Variants in ARID1B observed in about 807,000 individuals in gnomAD.
The protein encoded by ARID1B is AT-rich interaction domain 1B, also known as AT-rich interactive domain-containing protein 1B.
A neutral mutation model predicts 212.3 loss-of-function variants in ARID1B; 30 were observed. The ratio of observed to expected loss-of-function variants is 0.14; its 90% CI spans 0.11 to 0.19. ARID1B has a LOEUF of 0.19. Ranked by LOEUF, ARID1B falls within the 10% of genes least tolerant of loss-of-function variation. ARID1B has a pLI of 1.00. For synonymous variants in ARID1B, 1,402 were observed against 1,301.7 expected (o/e 1.08, Z -1.66); for missense variants, 2,891 against 3,204.0 (o/e 0.90, Z 2.36).
At chr6:156,799,403 A>G (rs1780620268) in intron 1 of ARID1B, among the ~76,000 whole-genome samples, 1 of 152,218 alleles carries the variant, frequency 6.6e-6, no homozygotes, top group Non-Finnish European at 1.5e-5. Context: ...GAGTTGGACA[A>G]GTGGTCTGAA....
chr6:157,003,726 T>A (rs531518488), intron 4 of ARID1B, among the ~76,000 whole-genome samples: 27 of 152,342 alleles, frequency 1.8e-4, no homozygotes, highest in South Asian at 2.1e-4. Flanking sequence ...TCTTGCTCTG[T>A]CACCCAGGCT....
intron 4 of ARID1B, among the ~76,000 whole-genome samples, chr6:157,025,707 A>T (rs1188065793): frequency 1.3e-5 from 2 of 152,170 alleles, no homozygotes; most frequent in Non-Finnish European, 2.9e-5. Flanking sequence ...TTATCCACTC[A>T]TCAGTTGAAG....
chr6:156,815,029 T>C (rs1191522942), intron 1 of ARID1B, among the ~76,000 whole-genome samples: 1 of 152,216 alleles, frequency 6.6e-6, no homozygotes, highest in African/African-American at 2.4e-5. Context: ...TCAAATATTG[T>C]TGAAAGACTG....
intron 4 of ARID1B, among the ~76,000 whole-genome samples, chr6:156,964,399 G>C (rs2128330145): frequency 6.6e-6 from 1 of 152,306 alleles, no homozygotes; most frequent in South Asian, 2.1e-4. Flanking sequence ...GAGTGTTTTG[G>C]CATTTAAAGC....
At chr6:157,000,825 C>T (rs1336733829) in intron 4 of ARID1B, among the ~76,000 whole-genome samples, 1 of 151,264 alleles carries the variant, frequency 6.6e-6, no homozygotes, top group East Asian at 1.9e-4. Context: ...TCCTAAGTAG[C>T]TGGGATTACA....
At chr6:156,782,628 C>G (rs1000931477) in intron 1 of ARID1B, among the ~76,000 whole-genome samples, 3 of 152,154 alleles carry the variant, frequency 2.0e-5, no homozygotes, top group Admixed American at 6.5e-5. Context: ...CAGGAAGCTA[C>G]AAACTGGTTC....
Position 157,094,343 on chromosome 6 carries a change from A to G in ARID1B, c.2491+9438A>G, listed in dbSNP as rs1785473057. Among the ~76,000 whole-genome samples, 1 of 151,954 alleles carries G rather than the reference A, an allele frequency of 6.6e-6. No individual in the cohort carries two copies. Among genetic ancestry groups the G allele is most frequent in the South Asian group, 2.1e-4 (1 of 4,820 alleles). On this transcript the variant is annotated intron_variant, in intron 5 of 19. Transcript: ENST00000636930. This position sits in a 1 kb window ranked among gnomAD's most constrained non-coding sequence, Gnocchi z 4.3. ...AACGACTTTGTAGGTTATGATTATG[A>G]TTTAGGAGGTTTTTTTATTACTTCT...
At chr6:156,874,123 T>A (rs1786356394) in intron 2 of ARID1B, among the ~76,000 whole-genome samples, 2 of 152,232 alleles carry the variant, frequency 1.3e-5, no homozygotes, top group South Asian at 2.1e-4. Context: ...GTCACCAGGC[T>A]GGAGTGTAGT....
chr6:157,034,992 G>A (rs940696423), intron 4 of ARID1B, among the ~76,000 whole-genome samples: 4 of 152,152 alleles, frequency 2.6e-5, no homozygotes, highest in Non-Finnish European at 1.5e-5. Context: ...AGGGTGCCCT[G>A]GTGGGATCTG....
At chr6:157,193,897 T>TAGCAGGTAA (rs1270345900) in intron 15 of ARID1B, 6 of 152,176 alleles carry the variant, frequency 3.9e-5, no homozygotes, top group Non-Finnish European at 5.9e-5. Context: ...CAGCCTCCCA[T>TAGCAGGTAA]AGCAGGTAAA....
chr6:156,834,005 C>T (rs1783323583), intron 2 of ARID1B, among the ~76,000 whole-genome samples: 1 of 152,150 alleles, frequency 6.6e-6, no homozygotes, highest in African/African-American at 2.4e-5. Context: ...TTAAGGCAGC[C>T]AGGCAATTTC....
intron 6 of ARID1B, among the ~76,000 whole-genome samples, chr6:157,112,619 T>C (rs1410381429): frequency 6.6e-6 from 1 of 152,166 alleles, no homozygotes; most frequent in Non-Finnish European, 1.5e-5. Context: ...AGAAACCCTC[T>C]CAGATCCTTG....
chr6:156,975,539 C>A (rs936152669), intron 4 of ARID1B, among the ~76,000 whole-genome samples: 2 of 150,444 alleles, frequency 1.3e-5, no homozygotes, highest in Non-Finnish European at 2.9e-5. Context: ...GCTTTTGGTG[C>A]GAAACTGCCT....
chr6:157,113,747 T>TTG (rs1291781824), intron 6 of ARID1B, among the ~76,000 whole-genome samples: 1 of 151,988 alleles, frequency 6.6e-6, no homozygotes, highest in African/African-American at 2.4e-5. Context: ...ACATTCCCTT[T>TTG]TGTGTGTGTG....
At chr6:157,043,293 A>G (rs1349226629) in intron 4 of ARID1B, among the ~76,000 whole-genome samples, 2 of 150,668 alleles carry the variant, frequency 1.3e-5, no homozygotes, top group Non-Finnish European at 3.0e-5. Context: ...GCATTTCAAA[A>G]TCCTGCTTTC....
intron 2 of ARID1B, among the ~76,000 whole-genome samples, chr6:156,872,661 C>T (rs916682638): frequency 6.6e-6 from 1 of 152,122 alleles, no homozygotes; most frequent in Non-Finnish European, 1.5e-5. Flanking sequence ...GGTTTATTGG[C>T]TTGCTAAGCT....
At chr6:157,054,512 A>T (rs1782813118) in intron 4 of ARID1B, among the ~76,000 whole-genome samples, 1 of 152,208 alleles carries the variant, frequency 6.6e-6, no homozygotes, top group African/African-American at 2.4e-5. Flanking sequence ...GAAATTATGT[A>T]ATCTATTGCC....
In ARID1B at chr6:156,884,215, C is replaced by T. The variant is rs575775903; in HGVS notation, c.1987-17161C>T. 6.6e-5 allele frequency among the ~76,000 whole-genome samples: 10 copies of T among 152,288 alleles called. 1 individual carries two copies. Among genetic ancestry groups the T allele is most frequent in the East Asian group, 1.9e-4 (1 of 5,180 alleles). ...TTGACATAAAATATGTTTCTTCCTC[C>T]GAGTTGGCGTCAAAACATTTGACAG... On this transcript the variant is annotated intron_variant, in intron 2 of 19. Coordinates refer to ENST00000636930, the MANE Select transcript of ARID1B (RefSeq NM_001374828.1).
intron 4 of ARID1B, among the ~76,000 whole-genome samples, chr6:156,946,004 G>A (rs562361160): frequency 6.6e-6 from 1 of 152,118 alleles, no homozygotes; most frequent in Non-Finnish European, 1.5e-5. Flanking sequence ...GCAAGACCCT[G>A]TCTCAACAAC....
Sources: gnomAD v4.1 joint callset for allele counts (sites outside exome capture counted in the v4.1 genomes callset) on GRCh38, gnomAD v4.1.1 for gene constraint, Gnocchi (gnomAD v3.1) non-coding constraint, MANE v1.5 for transcripts, NCBI Gene and HGNC (gene_info 2026-07-23, HGNC 2026-07-21) for gene names.